The following SCARA5 variants were observed in gnomAD, a reference collection of about 807,000 sequenced individuals.
SCARA5 encodes scavenger receptor class A member 5, also known as scavenger receptor class A, member 5 (putative).
In SCARA5, 45 loss-of-function variants were observed where a neutral mutation model predicts 46.3. That is an observed-to-expected ratio of 0.97 (90% CI 0.76 to 1.24). SCARA5 has a LOEUF of 1.24. Among genes scored for constraint, SCARA5 ranks in the 50% most tolerant of loss-of-function variants. SCARA5 has a pLI of 0.00. For synonymous variants in SCARA5, 333 were observed against 306.5 expected, an observed-to-expected ratio of 1.09 and a Z score of -0.90; for missense variants, 680 against 689.0, an observed-to-expected ratio of 0.99 and a Z score of 0.15.
intron 7 of SCARA5, among the ~76,000 whole-genome samples, chr8:27,900,892 C>T (rs1377266059): frequency 1.3e-5 from 2 of 148,624 alleles, no homozygotes; most frequent in African/African-American, 5.0e-5. Flanking sequence ...TCTCAGCAAG[C>T]AGAAATCGGG....
At chr8:27,872,594 G>C (rs532702693) in intron 8 of SCARA5, among the ~76,000 whole-genome samples, 1 of 152,180 alleles carries the variant, frequency 6.6e-6, no homozygotes, top group Non-Finnish European at 1.5e-5. Flanking sequence ...CCACCTCCTT[G>C]GATGTTGTTT....
At chr8:27,963,195 G>A (rs912332832) in intron 3 of SCARA5, among the ~76,000 whole-genome samples, 3 of 152,166 alleles carry the variant, frequency 2.0e-5, no homozygotes, top group Non-Finnish European at 4.4e-5. Flanking sequence ...TGACTGCCTA[G>A]AAGAGCCATA....
intron 3 of SCARA5, among the ~76,000 whole-genome samples, chr8:27,956,135 A>T (rs1301959619): frequency 6.6e-6 from 1 of 152,194 alleles, no homozygotes; most frequent in Non-Finnish European, 1.5e-5. Flanking sequence ...CACTAGAAAG[A>T]CAGTTCAGTT....
chr8:27,926,360 C>T (rs200313076), intron 3 of SCARA5, among the ~76,000 whole-genome samples: 3 of 152,088 alleles, frequency 2.0e-5, no homozygotes, highest in African/African-American at 4.8e-5. Flanking sequence ...GAAAACCAAA[C>T]ACTGCATGTT....
In SCARA5 at chr8:27,871,840, G is replaced by A. The variant is rs1024908247; in HGVS notation, c.*94C>T. The A allele has an allele frequency of 3.6e-5, 57 of 1,588,520 alleles. No homozygotes were observed. Among genetic ancestry groups the A allele is most frequent in the Non-Finnish European group, 4.3e-5 (50 of 1,167,142 alleles). On this transcript the variant is annotated 3_prime_UTR_variant, in exon 9 of 9. Transcript: ENST00000354914. ...TGAGAATGCTGGACGGGGTGTGGTC[G>A]AGGCATGGTCAGGGTGGCCCCGAGC...
At chr8:27,987,459 C>CTA in intron 2 of SCARA5, 45 bp downstream of exon 2, 1 of 1,401,860 alleles carries the variant, frequency 7.1e-7, no homozygotes, top group Non-Finnish European at 1.0e-6. Flanking sequence ...CTTCCCCACC[C>CTA]CCAGGCCAGA....
chr8:27,972,083 G>A (rs1347950046), intron 2 of SCARA5, among the ~76,000 whole-genome samples: 3 of 152,144 alleles, frequency 2.0e-5, no homozygotes, highest in Non-Finnish European at 4.4e-5. Context: ...TTGGGAGGCC[G>A]AGGCAGATGG....
At chr8:27,948,769 T>C (rs1808076732) in intron 3 of SCARA5, among the ~76,000 whole-genome samples, 3 of 152,222 alleles carry the variant, frequency 2.0e-5, no homozygotes, top group Non-Finnish European at 2.9e-5. Context: ...CCTAGTTAAA[T>C]TGAAAGCAAT....
At chr8:27,932,663 T>C (rs1273583338) in intron 3 of SCARA5, among the ~76,000 whole-genome samples, 1 of 152,102 alleles carries the variant, frequency 6.6e-6, no homozygotes, top group East Asian at 1.9e-4. Context: ...AGTTTCGCTC[T>C]TGTTGCCCAG....
At chr8:27,975,063 G>C (rs1808503037) in intron 2 of SCARA5, among the ~76,000 whole-genome samples, 1 of 152,182 alleles carries the variant, frequency 6.6e-6, no homozygotes, top group Non-Finnish European at 1.5e-5. Context: ...GGCAGGATTA[G>C]AGAGTTGGGA....
chr8:27,924,114 T>C (rs1807644831), intron 3 of SCARA5, among the ~76,000 whole-genome samples: 1 of 152,122 alleles, frequency 6.6e-6, no homozygotes, highest in African/African-American at 2.4e-5. Context: ...GGGATGCTCA[T>C]TGTCTGTTAG....
chr8:27,887,875 T>C (rs931240216), intron 7 of SCARA5, among the ~76,000 whole-genome samples: 7 of 152,270 alleles, frequency 4.6e-5, no homozygotes, highest in Non-Finnish European at 7.4e-5. Context: ...CTTAAAGCAA[T>C]AGTCAAAGAA....
At chr8:27,985,418 T>G (rs935689581) in intron 2 of SCARA5, among the ~76,000 whole-genome samples, 1 of 152,192 alleles carries the variant, frequency 6.6e-6, no homozygotes, top group Non-Finnish European at 1.5e-5. Context: ...GCACAGGACC[T>G]CTTGGGCACA....
chr8:27,876,870 C>G (rs1806732770), intron 8 of SCARA5, among the ~76,000 whole-genome samples: 1 of 152,128 alleles, frequency 6.6e-6, no homozygotes, highest in African/African-American at 2.4e-5. Context: ...GAGGCTCCTT[C>G]AGGCTCAACA....
At chr8:27,964,824 C>A (rs971721144) in intron 3 of SCARA5, among the ~76,000 whole-genome samples, 4 of 152,158 alleles carry the variant, frequency 2.6e-5, no homozygotes, top group African/African-American at 9.7e-5. Context: ...AGACCCCCAT[C>A]TGTCACCTAA....
At chr8:27,915,717 C>G (rs1807450462) in intron 4 of SCARA5, among the ~76,000 whole-genome samples, 2 of 151,990 alleles carry the variant, frequency 1.3e-5, no homozygotes, top group Admixed American at 1.3e-4. Context: ...TTTTTTTTGT[C>G]CCAGCCAGGT....
At chr8:27,936,132 CAG>C (rs1807853096) in intron 3 of SCARA5, among the ~76,000 whole-genome samples, 1 of 152,070 alleles carries the variant, frequency 6.6e-6, no homozygotes, top group South Asian at 2.1e-4. Flanking sequence ...GAGAAAGAAC[CAG>C]AGAGACTTTC....
intron 3 of SCARA5, among the ~76,000 whole-genome samples, chr8:27,922,816 C>T (rs1807620660): frequency 6.6e-6 from 1 of 152,110 alleles, no homozygotes; most frequent in African/African-American, 2.4e-5. Context: ...GTGATTGAGT[C>T]ACGAGGGCAG....
At position 27,870,480 on chromosome 8, in the gene SCARA5, C is replaced by T. The variant is rs1056325; in HGVS notation, c.*1454G>A. On this transcript the variant is annotated 3_prime_UTR_variant, in exon 9 of 9. Transcript: ENST00000354914. ...TCAGCCAGGAGTGTTGCTGTTCCTA[C>T]ACCTGGAGGGGCCCAGGTCTCTCCC... The T allele has an allele frequency of 0.14, 20,808 of 152,208 alleles. 1,554 individuals carry two copies. The highest frequency in any genetic ancestry group is 0.28 in the East Asian group (1,439 of 5,140). The allele number at this position is 152,208 out of a possible 1,614,324, so 9.4% of individuals were successfully genotyped here.
Sources: allele counts gnomAD v4.1 joint callset (sites outside exome capture counted in the v4.1 genomes callset), GRCh38; gene constraint gnomAD v4.1.1; transcripts MANE v1.5; gene names NCBI Gene and HGNC (gene_info 2026-07-23, HGNC 2026-07-21).